The following PRKCE variants were observed in gnomAD, a reference collection of about 807,000 sequenced individuals.
PRKCE encodes the protein protein kinase C epsilon type.
In PRKCE, 16 loss-of-function variants were observed where a neutral mutation model predicts 85.4. The ratio of observed to expected loss-of-function variants is 0.19; its 90% CI spans 0.13 to 0.28. The LOEUF is 0.28. Ranked by LOEUF, PRKCE falls within the 10% of genes least tolerant of loss-of-function variation. The pLI is 1.00. For missense variants in PRKCE, 573 were observed against 975.2 expected (o/e 0.59, Z 5.49); for synonymous variants, 388 against 371.5 (o/e 1.04, Z -0.51).
At chr2:45,987,555 C>T (rs1400369314) in intron 6 of PRKCE, among the ~76,000 whole-genome samples, 1 of 152,064 alleles carries the variant, frequency 6.6e-6, no homozygotes, top group Non-Finnish European at 1.5e-5. Flanking sequence ...GCAGAAAGTA[C>T]AGAGAGTCCC....
rs116336389 is a variant in PRKCE, at chr2:46,095,179, G to C, written c.1592+8817G>C. Among the ~76,000 whole-genome samples the C allele has an allele frequency of 7.2e-3, 1,098 of 152,308 alleles. 15 individuals carry two copies. The highest frequency in any genetic ancestry group is 0.025 in the African/African-American group (1,030 of 41,568). On this transcript the variant is annotated intron_variant, in intron 11 of 14. Coordinates refer to ENST00000306156, the MANE Select transcript of PRKCE (RefSeq NM_005400.3). ...CTTGGGGTTCACTGTAGACTAATCT[G>C]GGTGGCCCACTTAGTTGGGGAACCT...
intron 1 of PRKCE, 91 bp from the exon 2 acceptor site, chr2:45,842,909 G>C (rs1691474613): frequency 1.7e-6 from 2 of 1,197,928 alleles, no homozygotes; most frequent in Non-Finnish European, 2.5e-6. Context: ...TGTGTCTCTA[G>C]GTTTTAGCAG....
At chr2:46,006,408 C>T (rs1226569946) in intron 8 of PRKCE, among the ~76,000 whole-genome samples, 2 of 152,168 alleles carry the variant, frequency 1.3e-5, no homozygotes, top group African/African-American at 2.4e-5. Flanking sequence ...CCGTCTTCAC[C>T]CTCCCCAACA....
chr2:46,023,465 T>C (rs1403174035), intron 10 of PRKCE, among the ~76,000 whole-genome samples: 1 of 152,246 alleles, frequency 6.6e-6, no homozygotes, highest in Non-Finnish European at 1.5e-5. Flanking sequence ...GAATGCTTTG[T>C]GGTAGCACTT....
chr2:45,999,235 A>C (rs1704467535), intron 6 of PRKCE, among the ~76,000 whole-genome samples: 1 of 152,134 alleles, frequency 6.6e-6, no homozygotes, highest in African/African-American at 2.4e-5. Context: ...CTTCTCTCTG[A>C]AGAACTACTT....
intron 6 of PRKCE, among the ~76,000 whole-genome samples, chr2:45,989,497 C>T (rs76022956): frequency 0.064 from 9,812 of 152,128 alleles, 1,072 homozygotes; most frequent in African/African-American, 0.22. Flanking sequence ...GTGCCCTTGG[C>T]TTTTAACCCC....
chr2:45,764,075 T>TG (rs752858254), intron 1 of PRKCE, among the ~76,000 whole-genome samples: 4 of 152,244 alleles, frequency 2.6e-5, no homozygotes, highest in Admixed American at 6.5e-5. Context: ...TCCCTTGGGT[T>TG]GGGGCCAGTG....
intron 2 of PRKCE, among the ~76,000 whole-genome samples, chr2:45,862,375 G>A (rs934289501): frequency 8.5e-5 from 13 of 152,082 alleles, no homozygotes; most frequent in Admixed American, 4.6e-4. Flanking sequence ...CTCTCCAGTG[G>A]AACTTGGCCT....
chr2:46,004,870 G>T lies in PRKCE; in HGVS notation c.1063+232G>T, dbSNP rs1029425857. Among the ~76,000 whole-genome samples the T allele has an allele frequency of 1.3e-5, 2 of 152,112 alleles. No homozygotes were observed. Among genetic ancestry groups the T allele is most frequent in the African/African-American group, 4.8e-5 (2 of 41,406 alleles). On this transcript the variant is annotated intron_variant, in intron 8 of 14. Transcript: ENST00000306156. The surrounding 1 kb of genome is among the most constrained non-coding windows in gnomAD (Gnocchi z 4.1). ...TGCCTTAATTTCCTTCCAGGCCAGG[G>T]TAAGAGGAGAGCGAGTGTATGATGT... is the stretch of plus-strand genomic sequence containing the variant.
chr2:46,122,352 T>A (rs1673395983), intron 11 of PRKCE, among the ~76,000 whole-genome samples: 2 of 152,156 alleles, frequency 1.3e-5, no homozygotes, highest in African/African-American at 4.8e-5. Context: ...CTGCTCAGCC[T>A]CCTGAGAAGC....
At chr2:46,024,518 C>T (rs530863416) in intron 10 of PRKCE, among the ~76,000 whole-genome samples, 1 of 152,248 alleles carries the variant, frequency 6.6e-6, no homozygotes, top group East Asian at 1.9e-4. Context: ...GATTCATCAG[C>T]AGTATGTAAT....
chr2:46,108,646 A>G (rs750391702), intron 11 of PRKCE, among the ~76,000 whole-genome samples: 61 of 152,332 alleles, frequency 4.0e-4, no homozygotes, highest in Admixed American at 1.7e-3. Flanking sequence ...TACCCCATGC[A>G]TATCTACAAA....
At chr2:45,808,888 G>A (rs1482790400) in intron 1 of PRKCE, among the ~76,000 whole-genome samples, 1 of 152,064 alleles carries the variant, frequency 6.6e-6, no homozygotes, top group Non-Finnish European at 1.5e-5. Context: ...ACCTGGGATG[G>A]GCATGAACAG....
At position 46,004,675 on chromosome 2, in the gene PRKCE, C is replaced by G; in HGVS notation, c.1063+37C>G. 6.6e-7 allele frequency: 1 copy of G among 1,507,990 alleles called. No homozygotes were observed. The highest frequency in any genetic ancestry group is 9.0e-7 in the Non-Finnish European group (1 of 1,116,746). 93.4% of individuals were successfully genotyped at this position (1,507,990 alleles called of 1,614,324 possible). A position where few individuals can be genotyped will look rare whatever the true frequency, so the allele number is the denominator to read the frequency against. ...AGATTTGCTTCCTGACCTCTGAGTTCTGCCATTGGATGGACCAAGGAGCTC... is the reference window on the plus strand; with the variant it reads ...AGATTTGCTTCCTGACCTCTGAGTTGTGCCATTGGATGGACCAAGGAGCTC... On this transcript the variant is annotated intron_variant, in intron 8 of 14. Coordinates refer to ENST00000306156, the MANE Select transcript of PRKCE (RefSeq NM_005400.3). The surrounding 1 kb of genome is among the most constrained non-coding windows in gnomAD (Gnocchi z 4.1).
intron 11 of PRKCE, among the ~76,000 whole-genome samples, chr2:46,111,469 G>C (rs542373680): frequency 1.3e-5 from 2 of 152,234 alleles, no homozygotes; most frequent in South Asian, 2.1e-4. Flanking sequence ...AAGGAACTCC[G>C]TTCCTTTTAA....
intron 1 of PRKCE, among the ~76,000 whole-genome samples, chr2:45,715,151 T>C (rs1469145181): frequency 6.6e-6 from 1 of 152,266 alleles, no homozygotes; most frequent in Admixed American, 6.5e-5. Flanking sequence ...AAATATTTCT[T>C]GAGTGCCAAC....
At chr2:45,921,003 C>A (rs748632339) in intron 2 of PRKCE, among the ~76,000 whole-genome samples, 1 of 152,314 alleles carries the variant, frequency 6.6e-6, no homozygotes, top group East Asian at 1.9e-4. Context: ...ATCCCTACAT[C>A]GGTGAGCTGA....
intron 2 of PRKCE, among the ~76,000 whole-genome samples, chr2:45,882,184 C>G (rs982584407): frequency 6.6e-6 from 1 of 152,106 alleles, no homozygotes; most frequent in Non-Finnish European, 1.5e-5. Context: ...TAATATGTGG[C>G]GACTGGGTTT....
chr2:45,757,986 A>G (rs926591384), intron 1 of PRKCE, among the ~76,000 whole-genome samples: 2 of 152,210 alleles, frequency 1.3e-5, no homozygotes, highest in Admixed American at 6.5e-5. Context: ...ACTGGGGACA[A>G]TGTTAAAGGC....
Sources: allele counts gnomAD v4.1 joint callset (sites outside exome capture counted in the v4.1 genomes callset), GRCh38; gene constraint gnomAD v4.1.1; non-coding constraint Gnocchi (gnomAD v3.1); transcripts MANE v1.5; gene names NCBI Gene and HGNC (gene_info 2026-07-23, HGNC 2026-07-21).